The following CALB2 variants were observed in gnomAD, a reference collection of about 807,000 sequenced individuals.
The protein encoded by CALB2 is calbindin 2, also known as calretinin.
In CALB2, 34 loss-of-function variants were observed where a neutral mutation model predicts 45.9. The ratio of observed to expected loss-of-function variants is 0.74; its 90% CI spans 0.56 to 0.99. The LOEUF is 0.99. Ranked by LOEUF, CALB2 falls within the 50% of genes least tolerant of loss-of-function variation. The probability of loss-of-function intolerance (pLI) is 0.00; values close to 1 mark genes in which losing one functional copy is unlikely to be tolerated. For missense variants in CALB2, 344 were observed against 339.3 expected (o/e 1.01, Z -0.11); for synonymous variants, 142 against 129.6 (o/e 1.10, Z -0.65).
intron 3 of CALB2, among the ~76,000 whole-genome samples, chr16:71,376,211 C>T (rs756764086): frequency 2.0e-5 from 3 of 152,128 alleles, no homozygotes; most frequent in Non-Finnish European, 2.9e-5. Flanking sequence ...AAAGCAGCCA[C>T]GGGTGGTATG....
At chr16:71,382,155 A>G (rs28378576) in intron 4 of CALB2, among the ~76,000 whole-genome samples, 2,753 of 144,460 alleles carry the variant, frequency 0.019, 108 homozygotes, top group African/African-American at 0.066. Flanking sequence ...AAGGAAGGAA[A>G]GAAAATAAAG....
chr16:71,372,374 T>C, intron 2 of CALB2, 145 bp downstream of exon 2: 1 of 603,594 alleles, frequency 1.7e-6, no homozygotes, highest in South Asian at 2.2e-5. Context: ...AAAAATAGAC[T>C]GTCCCCTAAG....
chr16:71,372,124 AGATT>A (rs1254982083), intron 1 of CALB2, 25 bp from the exon 2 acceptor site: 2 of 1,221,268 alleles, frequency 1.6e-6, no homozygotes, highest in African/African-American at 1.5e-5. Flanking sequence ...TTTAGTGCTG[AGATT>A]GATTTTTTCT....
rs1050702565 is a variant in CALB2 at position 71,372,608 on chromosome 16, C to T, written c.171+379C>T. 7.2e-5 allele frequency among the ~76,000 whole-genome samples: 11 copies of T among 152,272 alleles called. No homozygotes were observed. In the East Asian group the frequency reaches 1.9e-3, roughly 27 times the overall value. ...GGATGCCCAGGAGGTTTCAAGTGCC[C>T]TGATTCTAGACCAGAGTTTCTCAGC... On this transcript the variant is annotated intron_variant, in intron 2 of 10. Transcript: ENST00000302628.
chr16:71,381,433 C>A (rs2042490507), intron 4 of CALB2, among the ~76,000 whole-genome samples: 1 of 150,632 alleles, frequency 6.6e-6, no homozygotes, highest in Non-Finnish European at 1.5e-5. Context: ...AAATCAGGAC[C>A]AAAATTTCTG....
chr16:71,371,852 C>T (rs531000466), intron 1 of CALB2, among the ~76,000 whole-genome samples: 1 of 152,348 alleles, frequency 6.6e-6, no homozygotes, highest in East Asian at 1.9e-4. Flanking sequence ...TCTGCCACCT[C>T]GTGCTTGCCC....
intron 6 of CALB2, 39 bp from the exon 7 acceptor site, chr16:71,383,931 T>C: frequency 1.2e-6 from 2 of 1,611,760 alleles, no homozygotes; most frequent in Non-Finnish European, 8.5e-7. Context: ...TCAGAGAAAT[T>C]CACAGCAAAT....
intron 10 of CALB2, chr16:71,389,465 T>G: frequency 1.7e-6 from 1 of 572,648 alleles, no homozygotes; most frequent in Non-Finnish European, 3.3e-6. Context: ...TCGCAACACC[T>G]CCATGAGGCA....
At chr16:71,387,085 G>A (rs1412216751) in intron 10 of CALB2, among the ~76,000 whole-genome samples, 1 of 152,184 alleles carries the variant, frequency 6.6e-6, no homozygotes, top group African/African-American at 2.4e-5. Context: ...TTGTATGAAT[G>A]AGGCATAGTT....
At chr16:71,368,876 T>G (rs2042315617) in intron 1 of CALB2, among the ~76,000 whole-genome samples, 1 of 152,190 alleles carries the variant, frequency 6.6e-6, no homozygotes, top group Non-Finnish European at 1.5e-5. Flanking sequence ...ACTGGATGAT[T>G]GTCTGAGTTT....
At chr16:71,385,554 G>C in intron 9 of CALB2, 23 bp from the exon 10 acceptor site, 1 of 1,613,136 alleles carries the variant, frequency 6.2e-7, no homozygotes, top group Non-Finnish European at 8.5e-7. Context: ...AGAGCTCTGG[G>C]TTGACTCTGC....
rs541398879 is a variant in CALB2, at chr16:71,371,738, T to C, written c.95-415T>C. Among the ~76,000 whole-genome samples the C allele has an allele frequency of 9.9e-5, 15 of 152,220 alleles. No individual in the cohort carries two copies. In the East Asian group the frequency reaches 2.9e-3, roughly 29 times the overall value. On this transcript the variant is annotated intron_variant, in intron 1 of 10. Transcript: ENST00000302628. Reference sequence around the variant, plus strand: ...GCAATGACCCTGTTTCCAAATAAGGTCCCATTCTGGGGGAGCACTCCAACC... The same window carrying C: ...GCAATGACCCTGTTTCCAAATAAGGCCCCATTCTGGGGGAGCACTCCAACC...
intron 1 of CALB2, among the ~76,000 whole-genome samples, chr16:71,367,843 C>T (rs949132125): frequency 2.0e-5 from 3 of 152,108 alleles, no homozygotes; most frequent in South Asian, 2.1e-4. Flanking sequence ...CCTCCTGCCC[C>T]GGGAACCTCC....
At chr16:71,371,335 TTC>T (rs1598163671) in intron 1 of CALB2, among the ~76,000 whole-genome samples, 1 of 151,800 alleles carries the variant, frequency 6.6e-6, no homozygotes, top group East Asian at 1.9e-4. Context: ...TGCCCTGTGG[TTC>T]TCTCTTTTCT....
chr16:71,374,656 G>A (rs2042390962), intron 2 of CALB2, 89 bp from the exon 3 acceptor site: 2 of 866,938 alleles, frequency 2.3e-6, no homozygotes, highest in South Asian at 2.8e-5. Flanking sequence ...ACTTACCCAG[G>A]ATGCAAATGA....
Position 71,383,364 on chromosome 16 carries a change from C to T in CALB2, c.400-3C>T, listed in dbSNP as rs763837619. 7 of 1,613,954 alleles carry T rather than the reference C, an allele frequency of 4.3e-6. No homozygotes were observed. The highest frequency in any genetic ancestry group is 5.9e-6 in the Non-Finnish European group (7 of 1,179,888). On this transcript the variant is annotated splice_polypyrimidine_tract_variant and splice_region_variant and intron_variant, in intron 5 of 10. Transcript: ENST00000302628. ...AGTACTAAAGAGGCCTTTTGTGTTG[C>T]AGGGATTCCTGTCAGACCTGCTGAA... is the stretch of plus-strand genomic sequence containing the variant.
intron 10 of CALB2, 101 bp downstream of exon 10, chr16:71,385,749 C>T: frequency 2.5e-6 from 2 of 789,400 alleles, no homozygotes; most frequent in Non-Finnish European, 4.0e-6. Context: ...CTCTACTCCC[C>T]TCTGATCTGC....
chr16:71,383,807 C>A (rs1418480631), intron 6 of CALB2, among the ~76,000 whole-genome samples, 163 bp from the exon 7 acceptor site: 1 of 152,046 alleles, frequency 6.6e-6, no homozygotes, highest in Non-Finnish European at 1.5e-5. Context: ...CCCAGGGGAC[C>A]CCCGTGACTG....
At chr16:71,389,529 T>G in intron 10 of CALB2, 1 of 710,656 alleles carries the variant, frequency 1.4e-6, no homozygotes, top group Non-Finnish European at 2.6e-6. Flanking sequence ...TCAGGAAGGT[T>G]GACTACCTTC....
Sources: allele counts gnomAD v4.1 joint callset (sites outside exome capture counted in the v4.1 genomes callset), GRCh38; gene constraint gnomAD v4.1.1; transcripts MANE v1.5; gene names NCBI Gene and HGNC (gene_info 2026-07-23, HGNC 2026-07-21).